SLC2A14: variants seen among roughly 807,000 people sequenced by gnomAD.
SLC2A14 encodes solute carrier family 2 member 14.
In SLC2A14, 13 loss-of-function variants were observed where a neutral mutation model predicts 43.0. That is an observed-to-expected ratio of 0.30 (90% CI 0.20 to 0.48). The LOEUF is 0.48. Among genes scored for constraint, SLC2A14 ranks in the 20% least tolerant of loss-of-function variants. The probability of loss-of-function intolerance (pLI) is 0.99; values close to 1 mark genes in which losing one functional copy is unlikely to be tolerated. For synonymous variants in SLC2A14, 190 were observed against 233.8 expected (o/e 0.81, Z 1.71); for missense variants, 428 against 620.4 (o/e 0.69, Z 3.29).
At chr12:7,863,681 A>G (rs182037059) in intron 2 of SLC2A14, among the ~76,000 whole-genome samples, 30 of 152,236 alleles carry the variant, frequency 2.0e-4, no homozygotes, top group Admixed American at 3.3e-4. Flanking sequence ...ATTGACATAT[A>G]AACTAAATGA....
At chr12:7,849,374 C>G (rs1356158395) in intron 2 of SLC2A14, among the ~76,000 whole-genome samples, 2 of 151,798 alleles carry the variant, frequency 1.3e-5, no homozygotes, top group Non-Finnish European at 2.9e-5. Context: ...TGTGGTGGCG[C>G]CCACCTGTGG....
At chr12:7,855,560 A>C (rs1867291426) in intron 2 of SLC2A14, among the ~76,000 whole-genome samples, 1 of 152,082 alleles carries the variant, frequency 6.6e-6, no homozygotes, top group Non-Finnish European at 1.5e-5. Flanking sequence ...TGTTCTCCTC[A>C]ACCAGTGTGA....
intron 2 of SLC2A14, among the ~76,000 whole-genome samples, chr12:7,861,177 G>A (rs1413372426): frequency 1.3e-5 from 2 of 152,126 alleles, no homozygotes; most frequent in Admixed American, 1.3e-4. Context: ...GAGATGTGAA[G>A]ATCTGTAGTG....
rs147813727 is a variant in SLC2A14 at position 7,880,407 on chromosome 12, G to C, written c.132+10589C>G. Among the ~76,000 whole-genome samples the C allele has an allele frequency of 2.5e-3, 374 of 151,704 alleles. 1 individual carries two copies. The highest frequency in any genetic ancestry group is 8.8e-3 in the African/African-American group (364 of 41,356). On this transcript the variant is annotated intron_variant, in intron 1 of 9. Coordinates refer to the SLC2A14 transcript ENST00000539924. Reference sequence around the variant, plus strand: ...GGAGAATCGCTTGAACCCAGGAGGCGGAGGTTGTAGTGAGCCAAGATCACA... The same window carrying C: ...GGAGAATCGCTTGAACCCAGGAGGCCGAGGTTGTAGTGAGCCAAGATCACA...
Position 7,858,585 on chromosome 12 carries a change from C to T in SLC2A14, c.18+11278G>A, listed in dbSNP as rs776768323. On this transcript the variant is annotated intron_variant, in intron 2 of 10. Transcript: ENST00000431042. Reference sequence around the variant, plus strand: ...CATGACCTCAGCTCACCACAACTTCCGCCTCCCGGGTTCAAGCGATTCTCC... The same window carrying T: ...CATGACCTCAGCTCACCACAACTTCTGCCTCCCGGGTTCAAGCGATTCTCC... Among the ~76,000 whole-genome samples the T allele has an allele frequency of 8.9e-4, 136 of 152,160 alleles. 1 individual carries two copies. Among genetic ancestry groups the T allele is most frequent in the Admixed American group, 2.6e-3 (39 of 15,272 alleles).
intron 2 of SLC2A14, among the ~76,000 whole-genome samples, chr12:7,845,609 C>T (rs1592234508): frequency 6.6e-6 from 1 of 150,914 alleles, no homozygotes; most frequent in African/African-American, 2.4e-5. Context: ...GAAACCCCAT[C>T]TCTACTACAA....
intron 2 of SLC2A14, among the ~76,000 whole-genome samples, chr12:7,849,000 C>A (rs1038268210): frequency 2.6e-5 from 4 of 151,684 alleles, no homozygotes; most frequent in Non-Finnish European, 5.9e-5. Context: ...ATTACAGGAA[C>A]CTGCCACCTC....
At chr12:7,872,604 C>T in intron 1 of SLC2A14, 1 of 293,896 alleles carries the variant, frequency 3.4e-6, no homozygotes, top group Non-Finnish European at 5.1e-6. Context: ...GAGCGGAGCC[C>T]AGGACATAGT....
chr12:7,866,818 G>A (rs1319484942), intron 2 of SLC2A14, among the ~76,000 whole-genome samples: 1 of 152,206 alleles, frequency 6.6e-6, no homozygotes, highest in Non-Finnish European at 1.5e-5. Flanking sequence ...TGCTGATACA[G>A]AAGCTACAAC....
chr12:7,883,974 A>T (rs979160471), intron 1 of SLC2A14, among the ~76,000 whole-genome samples: 3 of 149,370 alleles, frequency 2.0e-5, no homozygotes, highest in African/African-American at 7.4e-5. Flanking sequence ...CCCAGGCTGG[A>T]GTGCAGTGGC....
At chr12:7,839,871 C>G (rs1449863416) in intron 2 of SLC2A14, 1 of 424,612 alleles carries the variant, frequency 2.4e-6, no homozygotes, top group East Asian at 7.5e-5. Flanking sequence ...TCCAGGAGTT[C>G]TTATTTCCCC....
At chr12:7,873,491 A>C, upstream of SLC2A14, 1 of 343,950 alleles carries the variant, frequency 2.9e-6, no homozygotes, top group Non-Finnish European at 4.1e-6. Flanking sequence ...AAAATAACAA[A>C]ATTAGGGGGC....
chr12:7,856,624 CTAT>C (rs1477703898), intron 2 of SLC2A14, among the ~76,000 whole-genome samples: 1 of 152,132 alleles, frequency 6.6e-6, no homozygotes, highest in Non-Finnish European at 1.5e-5. Context: ...AGGAAGAGCA[CTAT>C]TGACGGCATC....
chr12:7,819,451 C>A, intron 9 of SLC2A14, 31 bp downstream of exon 9: 1 of 1,610,932 alleles, frequency 6.2e-7, no homozygotes, highest in South Asian at 1.1e-5. Flanking sequence ...TTCTTTCCCC[C>A]TCCCTTTTTT....
intron 1 of SLC2A14, among the ~76,000 whole-genome samples, chr12:7,889,151 G>C (rs879837345): frequency 6.6e-6 from 1 of 151,258 alleles, no homozygotes; most frequent in African/African-American, 2.4e-5. Context: ...AAGGCAAAGT[G>C]AAAGCAACTT....
chr12:7,830,650 G>A (rs1277655537), intron 4 of SLC2A14, among the ~76,000 whole-genome samples: 1 of 151,634 alleles, frequency 6.6e-6, no homozygotes, highest in Non-Finnish European at 1.5e-5. Flanking sequence ...GCAGAGGGAG[G>A]GCAGAGGGGG....
Position 7,827,767 on chromosome 12 carries a change from G to T in SLC2A14, c.677-85C>A. On this transcript the variant is annotated intron_variant, in intron 6 of 10. Coordinates refer to ENST00000431042, the MANE Select transcript of SLC2A14 (RefSeq NM_001286234.2). ...CCTGTAAGGCAGCCAGGAAAGGGCC[G>T]CACGAGGTGAGGTGATGGGTAGCAT... 5 of 1,504,502 alleles carry T rather than the reference G, an allele frequency of 3.3e-6. No homozygotes were observed. In the South Asian group the frequency reaches 6.6e-5, roughly 20 times the overall value. The allele number at this position is 1,504,502 out of a possible 1,614,324, so 93.2% of individuals were successfully genotyped here.
intron 5 of SLC2A14, 22 bp from the exon 6 acceptor site, chr12:7,828,888 T>C (rs776631547): frequency 1.9e-6 from 3 of 1,610,658 alleles, no homozygotes; most frequent in Non-Finnish European, 2.5e-6. Flanking sequence ...ACAAAGATAA[T>C]GCTATAAACC....
At chr12:7,831,536 T>C (rs1423083467) in intron 4 of SLC2A14, 68 bp downstream of exon 4, 11 of 1,594,632 alleles carry the variant, frequency 6.9e-6, no homozygotes, top group East Asian at 2.2e-5. Flanking sequence ...CTCCCTGCCC[T>C]AACTCTCCAC....
Sources: gnomAD v4.1 joint callset for allele counts (sites outside exome capture counted in the v4.1 genomes callset) on GRCh38, gnomAD v4.1.1 for gene constraint, MANE v1.5 for transcripts, NCBI Gene and HGNC (gene_info 2026-07-23, HGNC 2026-07-21) for gene names.